TTC6: variants seen among roughly 807,000 people sequenced by gnomAD.
TTC6 encodes the protein tetratricopeptide repeat domain 6.
Under a neutral mutation model 210.4 loss-of-function variants are expected in TTC6, and 172 were observed. The observed-to-expected ratio is 0.82, with a 90% CI of 0.72 to 0.93. The LOEUF is 0.93. Ranked by LOEUF, TTC6 falls within the 40% of genes least tolerant of loss-of-function variation. The pLI is 0.00. For missense variants in TTC6, 2,414 were observed against 2,318.1 expected, an observed-to-expected ratio of 1.04 and a Z score of -0.85; for synonymous variants, 804 against 819.6, an observed-to-expected ratio of 0.98 and a Z score of 0.32.
intron 3 of TTC6, among the ~76,000 whole-genome samples, chr14:37,688,921 G>T (rs2095798644): frequency 6.6e-6 from 1 of 152,052 alleles, no homozygotes; most frequent in African/African-American, 2.4e-5. Context: ...ATATCTACAA[G>T]TATCACAATG....
At chr14:37,728,241 C>A (rs1377366309) in intron 7 of TTC6, among the ~76,000 whole-genome samples, 2 of 152,034 alleles carry the variant, frequency 1.3e-5, no homozygotes, top group East Asian at 3.9e-4. Flanking sequence ...CTCATAAAGA[C>A]TTTAATTAAA....
chr14:37,812,297 C>A lies in TTC6; in HGVS notation c.4570-17C>A. ...GCTCTAAAAAGTTGAATCTATGTTA[C>A]AAATGATTATTTTTAGGCATTAACA... is the stretch of plus-strand genomic sequence containing the variant. On this transcript the variant is annotated splice_polypyrimidine_tract_variant and intron_variant, in intron 24 of 30. Transcript: ENST00000553443. 1 of 1,606,118 alleles carries A rather than the reference C, an allele frequency of 6.2e-7. No homozygotes were observed.
chr14:37,819,320 G>GTA (rs141398072), intron 26 of TTC6, among the ~76,000 whole-genome samples: 2,993 of 152,278 alleles, frequency 0.02, 90 homozygotes, highest in African/African-American at 0.067. Flanking sequence ...TGCATGGACT[G>GTA]TAACTATGGG....
chr14:37,730,837 G>T (rs1345920015), intron 7 of TTC6, among the ~76,000 whole-genome samples: 1 of 152,114 alleles, frequency 6.6e-6, no homozygotes, highest in Non-Finnish European at 1.5e-5. Flanking sequence ...GAACTTCTTG[G>T]TCTTGTTTAA....
chr14:37,729,963 G>T (rs138132867), intron 7 of TTC6, among the ~76,000 whole-genome samples: 1 of 152,202 alleles, frequency 6.6e-6, no homozygotes, highest in Non-Finnish European at 1.5e-5. Context: ...TGACCATGGA[G>T]TAACCCATTA....
intron 6 of TTC6, among the ~76,000 whole-genome samples, chr14:37,716,065 G>A (rs974879480): frequency 1.3e-5 from 2 of 152,066 alleles, no homozygotes; most frequent in African/African-American, 4.8e-5. Context: ...AAATGGGAAA[G>A]GGTAAAGAGA....
At chr14:37,677,097 A>C (rs1410190061) in intron 1 of TTC6, among the ~76,000 whole-genome samples, 1 of 152,024 alleles carries the variant, frequency 6.6e-6, no homozygotes, top group Non-Finnish European at 1.5e-5. Flanking sequence ...TTCTGAAAAA[A>C]AGGCCCTTGT....
intron 7 of TTC6, among the ~76,000 whole-genome samples, chr14:37,725,835 C>G (rs547444011): frequency 6.6e-6 from 1 of 152,032 alleles, no homozygotes. Context: ...TTTAAAATCA[C>G]ATTTTAAATT....
At chr14:37,807,407 C>T in exon 23 of TTC6, 1 of 1,529,564 alleles carries the variant, frequency 6.5e-7, no homozygotes, top group Non-Finnish European at 8.8e-7. Context: ...TAAAATTTAC[C>T]CTGAAAGCGT....
At chr14:37,835,930 AC>A (rs1436832105) in intron 29 of TTC6, among the ~76,000 whole-genome samples, 2 of 152,094 alleles carry the variant, frequency 1.3e-5, no homozygotes, top group African/African-American at 2.4e-5. Flanking sequence ...CAGGAATCAC[AC>A]CCTGCCCTCT....
chr14:37,842,206 T>G lies in TTC6; in HGVS notation c.5576T>G (p.Val1859Gly), dbSNP rs767230626. The G allele has an allele frequency of 5.0e-6, 8 of 1,608,976 alleles. No individual in the cohort carries two copies. In the Admixed American group the frequency reaches 6.8e-5, roughly 14 times the overall value. The change falls in exon 31 of 31, where the codon GTT becomes GGT. Residue 1859 changes from valine (V) to glycine (G), a missense_variant. Val to Gly is a moderately radical substitution (Grantham distance 109). Coordinates refer to ENST00000553443, the Ensembl canonical transcript of TTC6. ...CTAGTATATAATTTTAGAGCAAAAG[T>G]TCGTGGTAAAATAGGTCTGATTGAG...
intron 3 of TTC6, among the ~76,000 whole-genome samples, 190 bp downstream of exon 5, chr14:37,683,154 T>G (rs1044566505): frequency 1.3e-5 from 2 of 151,938 alleles, no homozygotes; most frequent in Admixed American, 1.3e-4. Flanking sequence ...TTTTTGAGGG[T>G]TTCTAGTGTC....
At chr14:37,771,830 T>C (rs1204705060) in intron 14 of TTC6, among the ~76,000 whole-genome samples, 3 of 152,214 alleles carry the variant, frequency 2.0e-5, no homozygotes, top group African/African-American at 7.2e-5. Context: ...CATCCAGCTT[T>C]GTTCCGTTGC....
chr14:37,788,323 C>T (rs1259070926), intron 15 of TTC6, among the ~76,000 whole-genome samples: 1 of 152,202 alleles, frequency 6.6e-6, no homozygotes, highest in Non-Finnish European at 1.5e-5. Flanking sequence ...CTGAGTCTAA[C>T]ACTCCAGATA....
intron 26 of TTC6, among the ~76,000 whole-genome samples, chr14:37,818,764 GGTCTTACCATT>G (rs2096148453): frequency 6.6e-6 from 1 of 151,956 alleles, no homozygotes; most frequent in Non-Finnish European, 1.5e-5. Context: ...AGCAAAACCC[GGTCTTACCATT>G]GTCTATTTTA....
intron 20 of TTC6, among the ~76,000 whole-genome samples, chr14:37,797,383 TGTG>T (rs1229523000): frequency 6.6e-6 from 1 of 152,086 alleles, no homozygotes; most frequent in Non-Finnish European, 1.5e-5. Flanking sequence ...ATTTATGTCT[TGTG>T]GTCTTAATTC....
At chr14:37,797,034 A>C in intron 20 of TTC6, 87 bp downstream of exon 22, 1 of 1,191,724 alleles carries the variant, frequency 8.4e-7, no homozygotes, top group Non-Finnish European at 1.1e-6. Context: ...TATTTTTCAC[A>C]AAATTAAGTC....
chr14:37,772,769 G>C (rs572341919), intron 14 of TTC6, among the ~76,000 whole-genome samples: 1 of 152,118 alleles, frequency 6.6e-6, no homozygotes, highest in Non-Finnish European at 1.5e-5. Context: ...CGTCTTCTGC[G>C]TTGCTCACGC....
intron 14 of TTC6, among the ~76,000 whole-genome samples, chr14:37,773,879 C>G (rs981238875): frequency 6.6e-6 from 1 of 152,130 alleles, no homozygotes; most frequent in Non-Finnish European, 1.5e-5. Flanking sequence ...TTGATTCTTT[C>G]TATCCATGAG....
Sources: allele counts gnomAD v4.1 joint callset (sites outside exome capture counted in the v4.1 genomes callset), GRCh38; gene constraint gnomAD v4.1.1; transcripts MANE v1.5; gene names NCBI Gene and HGNC (gene_info 2026-07-23, HGNC 2026-07-21).